CADM3: variants seen among roughly 807,000 people sequenced by gnomAD.
CADM3 encodes the protein TSLC1-like 1.
Under a neutral mutation model 44.9 loss-of-function variants are expected in CADM3, and 11 were observed. The observed-to-expected ratio is 0.25, with a 90% CI of 0.15 to 0.41. The LOEUF (loss-of-function observed/expected upper bound fraction) is 0.41, where lower values mean the gene tolerates loss of function less well. Ranked by LOEUF, CADM3 falls within the 10% of genes least tolerant of loss-of-function variation. The pLI, the probability that CADM3 is intolerant of heterozygous loss-of-function variation, is 1.00. For missense variants in CADM3, 426 were observed against 512.0 expected, an observed-to-expected ratio of 0.83 and a Z score of 1.62; for synonymous variants, 207 against 205.2, an observed-to-expected ratio of 1.01 and a Z score of -0.08.
chr1:159,184,464 A>G (rs1029024662), intron 1 of CADM3, among the ~76,000 whole-genome samples: 2 of 151,772 alleles, frequency 1.3e-5, no homozygotes, highest in Non-Finnish European at 2.9e-5. Context: ...ATCATCATCA[A>G]CTCCTACTCA....
In CADM3 at chr1:159,203,008, G is replaced by C. The variant is rs1436814066; in HGVS notation, c.*2086G>C. On this transcript the variant is annotated 3_prime_UTR_variant, in exon 9 of 9. Coordinates refer to ENST00000368125, the MANE Select transcript of CADM3 (RefSeq NM_001127173.3). Reference sequence around the variant, plus strand: ...GGGTGGGAGGGAGAGGGGCTGTTGTGCTGTGTGTGTCTGTCCAGGGGTGGG... The same window carrying C: ...GGGTGGGAGGGAGAGGGGCTGTTGTCCTGTGTGTGTCTGTCCAGGGGTGGG... 1 of 131,792 alleles carries C rather than the reference G, an allele frequency of 7.6e-6. No homozygotes were observed. The highest frequency in any genetic ancestry group is 1.6e-5 in the Non-Finnish European group (1 of 62,674). The allele number at this position is 131,792 out of a possible 1,614,324, so 8.2% of individuals were successfully genotyped here.
Position 159,200,007 on chromosome 1 carries a change from A to G in CADM3, c.1078+131A>G, listed in dbSNP as rs958103879. 6 of 1,220,646 alleles carry G rather than the reference A, an allele frequency of 4.9e-6. No homozygotes were observed. The African/African-American group carries it at 9.0e-5, about 18-fold the overall frequency. The allele number at this position is 1,220,646 out of a possible 1,614,324, so 75.6% of individuals were successfully genotyped here. On this transcript the variant is annotated intron_variant, in intron 8 of 8. Coordinates refer to ENST00000368125, the MANE Select transcript of CADM3 (RefSeq NM_001127173.3). ...GTCAGCCCTTTGGAGTGTTTAGGGA[A>G]TTAAAAATGGAGCCAACCCTATCAT...
chr1:159,182,979 G>A (rs1649288739), intron 1 of CADM3, among the ~76,000 whole-genome samples: 1 of 152,196 alleles, frequency 6.6e-6, no homozygotes, highest in Non-Finnish European at 1.5e-5. Context: ...CCACAGGCAA[G>A]CTAGCTAACT....
chr1:159,200,006 A>G, intron 8 of CADM3, 130 bp downstream of exon 8: 6 of 1,234,842 alleles, frequency 4.9e-6, no homozygotes, highest in Non-Finnish European at 6.8e-6. Flanking sequence ...GTGTTTAGGG[A>G]ATTAAAAATG....
At position 159,192,661 on chromosome 1, in the gene CADM3, G is replaced by A. The variant is rs1649719634; in HGVS notation, c.313G>A (p.Glu105Lys). 6.2e-7 allele frequency: 1 copy of A among 1,613,996 alleles called. No homozygotes were observed. Among genetic ancestry groups the A allele is most frequent in the African/African-American group, 1.3e-5 (1 of 74,910 alleles). ...ISISNVALADEGEYTCSIFTM... is the reference protein window; with the variant it reads ...ISISNVALADKGEYTCSIFTM... The stretch of plus-strand genomic sequence containing the variant: ...CATCAGCAATGTGGCCCTGGCAGAC[G>A]AGGGCGAGTACACCTGCTCAATCTT... The change falls in exon 3 of 9, where the codon GAG (glutamate) becomes AAG (lysine). Residue 105 changes from glutamate to lysine, a missense_variant. Glu to Lys is a moderately conservative substitution (Grantham distance 56). Around this residue, in one of 2 missense-constraint regions of CADM3, gnomAD observed 362 missense variants for 474.6 expected, o/e 0.76. Transcript: ENST00000368125.
At chr1:159,175,440 T>C (rs1648981606) in intron 1 of CADM3, among the ~76,000 whole-genome samples, 1 of 152,256 alleles carries the variant, frequency 6.6e-6, no homozygotes, top group South Asian at 2.1e-4. Flanking sequence ...ATAGCACTGT[T>C]AGTTTTAATA....
chr1:159,200,542 ACACACACACACACTTCT>A (rs1261746044), intron 8 of CADM3, among the ~76,000 whole-genome samples: 3 of 139,474 alleles, frequency 2.2e-5, no homozygotes, highest in Non-Finnish European at 5.0e-5. Context: ...ACACACACAC[ACACACACACACACTTCT>A]CTTTCTTGCT....
Position 159,199,828 on chromosome 1 carries a change from C to T in CADM3, c.1030C>T (p.Leu344=). 6.2e-7 allele frequency: 1 copy of T among 1,614,120 alleles called. No homozygotes were observed. Among genetic ancestry groups the T allele is most frequent in the Non-Finnish European group, 8.5e-7 (1 of 1,180,028 alleles). The change falls in exon 8 of 9, where the codon CTG becomes TTG. Residue 344 remains leucine, a synonymous_variant. Transcript: ENST00000368125. ...GGIVAFIVFL[L]LIMLIFLGHY... ...GATCGTGGCTTTCATTGTCTTCCTG[C>T]TGCTCATCATGCTCATCTTCCTTGG...
intron 1 of CADM3, among the ~76,000 whole-genome samples, chr1:159,186,302 G>A (rs1225055899): frequency 6.6e-6 from 1 of 152,178 alleles, no homozygotes; most frequent in East Asian, 1.9e-4. Context: ...ATTATCTGCA[G>A]AGAGTGGAGA....
intron 1 of CADM3, among the ~76,000 whole-genome samples, chr1:159,174,999 A>T (rs1050475926): frequency 1.3e-5 from 2 of 152,190 alleles, no homozygotes; most frequent in Non-Finnish European, 1.5e-5. Flanking sequence ...ACACATGAAC[A>T]TCTATTTCTT....
intron 2 of CADM3, 71 bp downstream of exon 2, chr1:159,192,147 G>A: frequency 6.6e-7 from 1 of 1,513,330 alleles, no homozygotes; most frequent in Non-Finnish European, 9.0e-7. Context: ...ACACCGAGGG[G>A]AACTGTTCCT....
At chr1:159,182,667 A>G (rs1245328833) in intron 1 of CADM3, among the ~76,000 whole-genome samples, 1 of 152,224 alleles carries the variant, frequency 6.6e-6, no homozygotes, top group Non-Finnish European at 1.5e-5. Context: ...GAACTTGGAC[A>G]ATAGAGAGTC....
intron 7 of CADM3, among the ~76,000 whole-genome samples, chr1:159,198,405 G>A (rs1649997525): frequency 6.6e-6 from 1 of 152,130 alleles, no homozygotes; most frequent in South Asian, 2.1e-4. Context: ...GAGAGAGACA[G>A]CAGGTAACTC....
At chr1:159,180,137 G>C (rs527574812) in intron 1 of CADM3, among the ~76,000 whole-genome samples, 1 of 152,276 alleles carries the variant, frequency 6.6e-6, no homozygotes, top group East Asian at 1.9e-4. Flanking sequence ...GCAGAAGAGA[G>C]AGCCTGAATT....
chr1:159,183,550 C>T (rs1649311323), intron 1 of CADM3, among the ~76,000 whole-genome samples: 1 of 152,140 alleles, frequency 6.6e-6, no homozygotes, highest in African/African-American at 2.4e-5. Context: ...TGAAGCGTGA[C>T]TGAGCTCTGA....
chr1:159,191,121 C>T (rs1184940230), intron 1 of CADM3, among the ~76,000 whole-genome samples: 1 of 152,188 alleles, frequency 6.6e-6, no homozygotes, highest in Non-Finnish European at 1.5e-5. Flanking sequence ...AATGCCTCAT[C>T]CATAAGATAT....
At chr1:159,191,488 G>T (rs759083706) in intron 1 of CADM3, among the ~76,000 whole-genome samples, 3 of 152,174 alleles carry the variant, frequency 2.0e-5, no homozygotes, top group Non-Finnish European at 2.9e-5. Context: ...TTAGTTTTAG[G>T]ATTATTAGTC....
chr1:159,174,092 G>C (rs1295195819), intron 1 of CADM3, among the ~76,000 whole-genome samples: 1 of 152,176 alleles, frequency 6.6e-6, no homozygotes, highest in African/African-American at 2.4e-5. Context: ...AACAGGAGGG[G>C]TCTGTTTCCA....
Position 159,196,968 on chromosome 1 carries a change from C to G in CADM3, c.860C>G (p.Pro287Arg), listed in dbSNP as rs768768930. The part of the protein sequence containing the change: ...KMTQESALIF[P>R]FLNKSDSGTY... ...ACCCAGGAGAGTGCCCTGATCTTCCCTTTCCTCAACAAGAGTGACAGTGGC... is the reference window on the plus strand; with the variant it reads ...ACCCAGGAGAGTGCCCTGATCTTCCGTTTCCTCAACAAGAGTGACAGTGGC... Residue 287 changes from proline to arginine, a missense_variant, in exon 7 of 9, where the codon CCT becomes CGT. Transcript: ENST00000368125. The G allele has an allele frequency of 6.2e-7, 1 of 1,614,002 alleles. No homozygotes were observed. The highest frequency in any genetic ancestry group is 1.3e-5 in the African/African-American group (1 of 74,896).
Sources: allele counts gnomAD v4.1 joint callset (sites outside exome capture counted in the v4.1 genomes callset), GRCh38; gene constraint gnomAD v4.1.1; regional missense constraint gnomAD v4.1.1; transcripts MANE v1.5; gene names NCBI Gene and HGNC (gene_info 2026-07-23, HGNC 2026-07-21).